Variants in CDH18 observed in about 807,000 individuals in gnomAD.
The protein encoded by CDH18 is cadherin-18.
A neutral mutation model predicts 67.9 loss-of-function variants in CDH18; 31 were observed. The observed-to-expected ratio is 0.46, with a 90% CI of 0.34 to 0.62. The LOEUF (loss-of-function observed/expected upper bound fraction) is 0.62. Ranked by LOEUF, CDH18 falls within the 20% of genes least tolerant of loss-of-function variation. The pLI is 0.01. For synonymous variants in CDH18, 362 were observed against 347.2 expected (o/e 1.04, Z -0.48); for missense variants, 890 against 975.5 (o/e 0.91, Z 1.17).
At chr5:19,922,314 C>T (rs1792580730) in intron 2 of CDH18, among the ~76,000 whole-genome samples, 1 of 152,016 alleles carries the variant, frequency 6.6e-6, no homozygotes. Flanking sequence ...TATTTTAATC[C>T]ATCAGGTTGT....
chr5:20,151,874 T>G (rs1751136695), intron 2 of CDH18, among the ~76,000 whole-genome samples: 1 of 151,798 alleles, frequency 6.6e-6, no homozygotes, highest in Admixed American at 6.6e-5. Context: ...ATGAGTTCAA[T>G]ATCAATGATT....
chr5:20,133,726 G>A (rs1013782924), intron 2 of CDH18, among the ~76,000 whole-genome samples: 1 of 151,716 alleles, frequency 6.6e-6, no homozygotes. Flanking sequence ...TAACCTTCAA[G>A]ATTTATTTTT....
chr5:19,786,885 G>A (rs916561783), intron 3 of CDH18, among the ~76,000 whole-genome samples: 4 of 152,106 alleles, frequency 2.6e-5, no homozygotes, highest in Non-Finnish European at 5.9e-5. Context: ...GTACAGTAAT[G>A]GATTCTGTTC....
At chr5:20,266,765 G>A (rs182545718) in intron 1 of CDH18, among the ~76,000 whole-genome samples, 1 of 151,508 alleles carries the variant, frequency 6.6e-6, no homozygotes, top group African/African-American at 2.4e-5. Flanking sequence ...AGGAAGAGGG[G>A]AAGATATATG....
chr5:20,029,570 G>A (rs1739206900), intron 2 of CDH18, among the ~76,000 whole-genome samples: 1 of 152,074 alleles, frequency 6.6e-6, no homozygotes. Flanking sequence ...TTAAAACAAG[G>A]ATGTTTCCAT....
At chr5:20,017,346 G>T (rs1737964547) in intron 2 of CDH18, among the ~76,000 whole-genome samples, 1 of 151,984 alleles carries the variant, frequency 6.6e-6, no homozygotes, top group Non-Finnish European at 1.5e-5. Flanking sequence ...CTAAAAAAGG[G>T]TCAAATTTGT....
At chr5:20,304,195 T>C in intron 1 of CDH18, 1 of 1,516,264 alleles carries the variant, frequency 6.6e-7, no homozygotes, top group South Asian at 1.1e-5. Context: ...TATTTTTCCC[T>C]GTTGGCGTAC....
chr5:19,797,633 T>C (rs1776996829), intron 3 of CDH18, among the ~76,000 whole-genome samples: 1 of 152,004 alleles, frequency 6.6e-6, no homozygotes, highest in Non-Finnish European at 1.5e-5. Context: ...GCACATAATG[T>C]TTTATGCACT....
chr5:20,368,910 T>C (rs977131605), intron 1 of CDH18, among the ~76,000 whole-genome samples: 1 of 152,198 alleles, frequency 6.6e-6, no homozygotes, highest in Admixed American at 6.5e-5. Context: ...CGTTCTCCTG[T>C]AATTTATGAC....
intron 3 of CDH18, among the ~76,000 whole-genome samples, chr5:19,824,681 T>C (rs1272556704): frequency 1.3e-5 from 2 of 152,152 alleles, no homozygotes; most frequent in African/African-American, 4.8e-5. Context: ...CCTAGCTGGA[T>C]GGGGCTTCAC....
rs138742164 is a variant in CDH18 at position 19,958,310 on chromosome 5, C to T, written c.-257+22750G>A. Among the ~76,000 whole-genome samples the T allele has an allele frequency of 9.2e-3, 1,254 of 136,750 alleles. 13 individuals are homozygous for T. Among genetic ancestry groups the T allele is most frequent in the Non-Finnish European group, 0.015 (954 of 64,850 alleles). The allele number at this position is 136,750 out of a possible 152,430, so 89.7% of individuals were successfully genotyped here. A position where few individuals can be genotyped will look rare whatever the true frequency, so the allele number is the denominator to read the frequency against. On this transcript the variant is annotated intron_variant, in intron 2 of 12. Coordinates refer to ENST00000382275, the MANE Select transcript of CDH18 (RefSeq NM_004934.5). ...CAAACATATAAACTTGTATTATATCCAGCTTAAAATATTGGAGCTTATTTC... is the reference window on the plus strand; with the variant it reads ...CAAACATATAAACTTGTATTATATCTAGCTTAAAATATTGGAGCTTATTTC...
At chr5:20,068,335 A>C (rs1246230585) in intron 2 of CDH18, among the ~76,000 whole-genome samples, 1 of 152,150 alleles carries the variant, frequency 6.6e-6, no homozygotes, top group African/African-American at 2.4e-5. Context: ...AATAAAGAAC[A>C]GAAACAATAC....
intron 2 of CDH18, among the ~76,000 whole-genome samples, chr5:20,195,462 A>C (rs1738900733): frequency 2.0e-5 from 3 of 152,062 alleles, no homozygotes; most frequent in Non-Finnish European, 2.9e-5. Context: ...CTCAGAAACT[A>C]CCTGTCAGAT....
In CDH18 at chr5:19,669,184, A is replaced by G. The variant is rs1031288717; in HGVS notation, c.643+52163T>C. ...ATATCATATATATCATAATAATACAATATAATATAATATATGATGTAATAT... is the reference window on the plus strand; with the variant it reads ...ATATCATATATATCATAATAATACAGTATAATATAATATATGATGTAATAT... On this transcript the variant is annotated intron_variant, in intron 5 of 12. Coordinates refer to ENST00000382275, the MANE Select transcript of CDH18 (RefSeq NM_004934.5). 1.2e-4 allele frequency among the ~76,000 whole-genome samples: 17 copies of G among 144,324 alleles called. No individual in the cohort carries two copies. In the East Asian group the frequency reaches 2.1e-3, roughly 18 times the overall value. The allele number at this position is 144,324 out of a possible 152,430, so 94.7% of individuals were successfully genotyped here. A position where few individuals can be genotyped will look rare whatever the true frequency, so the allele number is the denominator to read the frequency against.
At chr5:20,082,170 G>A (rs1333464456) in intron 2 of CDH18, among the ~76,000 whole-genome samples, 2 of 150,920 alleles carry the variant, frequency 1.3e-5, no homozygotes, top group African/African-American at 2.4e-5. Context: ...TTAATCCTCA[G>A]TTTAAGGTAC....
intron 2 of CDH18, among the ~76,000 whole-genome samples, chr5:20,053,258 T>C (rs980356514): frequency 4.6e-5 from 7 of 151,134 alleles, no homozygotes; most frequent in Non-Finnish European, 1.0e-4. Context: ...ATACAGTCCA[T>C]ATATACATAT....
chr5:19,821,065 G>A (rs949317243), intron 3 of CDH18, among the ~76,000 whole-genome samples: 18 of 152,024 alleles, frequency 1.2e-4, no homozygotes, highest in Admixed American at 3.9e-4. Flanking sequence ...TCTTACCTAC[G>A]AAGACTACAC....
intron 5 of CDH18, among the ~76,000 whole-genome samples, chr5:19,671,636 G>T (rs74956303): frequency 0.042 from 6,317 of 152,038 alleles, 386 homozygotes; most frequent in African/African-American, 0.14. Context: ...TTTTAAAACC[G>T]AATCAATTTA....
chr5:20,067,517 C>T (rs577486743), intron 2 of CDH18, among the ~76,000 whole-genome samples: 20 of 152,020 alleles, frequency 1.3e-4, no homozygotes, highest in African/African-American at 4.3e-4. Context: ...CCTATTGTGG[C>T]CTTTATTGTA....
Sources: allele counts gnomAD v4.1 joint callset (sites outside exome capture counted in the v4.1 genomes callset), GRCh38; gene constraint gnomAD v4.1.1; transcripts MANE v1.5; gene names NCBI Gene and HGNC (gene_info 2026-07-23, HGNC 2026-07-21).